The following RIC8B variants were observed in gnomAD, a reference collection of about 807,000 sequenced individuals.
The protein encoded by RIC8B is chaperone Ric-8B.
A neutral mutation model predicts 57.5 loss-of-function variants in RIC8B; 16 were observed. The ratio of observed to expected loss-of-function variants is 0.28; its 90% CI spans 0.19 to 0.42. The LOEUF is 0.42. Among genes scored for constraint, RIC8B ranks in the 10% least tolerant of loss-of-function variants. The probability of loss-of-function intolerance (pLI) is 1.00; values close to 1 mark genes in which losing one functional copy is unlikely to be tolerated. For missense variants in RIC8B, 481 were observed against 677.0 expected (o/e 0.71, Z 3.21); for synonymous variants, 216 against 250.8 (o/e 0.86, Z 1.31).
At chr12:106,869,965 G>A (rs1342504827) in intron 8 of RIC8B, among the ~76,000 whole-genome samples, 1 of 151,822 alleles carries the variant, frequency 6.6e-6, no homozygotes, top group African/African-American at 2.4e-5. Flanking sequence ...CAAAAAAACA[G>A]TATGTACTTG....
chr12:106,853,896 G>A (rs1055874381), intron 7 of RIC8B, among the ~76,000 whole-genome samples: 2 of 152,280 alleles, frequency 1.3e-5, no homozygotes, highest in Admixed American at 6.5e-5. Context: ...AAGATAAACA[G>A]TGTTTCTGCC....
In RIC8B at chr12:106,886,227, C is replaced by A; in HGVS notation, c.*212C>A. The A allele has an allele frequency of 2.2e-6, 1 of 460,168 alleles. No individual in the cohort carries two copies. The highest frequency in any genetic ancestry group is 3.8e-6 in the Non-Finnish European group (1 of 260,888). 28.5% of individuals were successfully genotyped at this position (460,168 alleles called of 1,614,324 possible). A position where few individuals can be genotyped will look rare whatever the true frequency, so the allele number is the denominator to read the frequency against. ...ACAGAGCTGCAGTTAGACGGGGTTA[C>A]GGGGGCTAAAAGCAGAAAAAAAATT... On this transcript the variant is annotated 3_prime_UTR_variant, in exon 10 of 10. Transcript: ENST00000392837.
rs1167977219 is a variant in RIC8B at position 106,887,205 on chromosome 12, T to TATATATAC, written c.*1202_*1209dup. ...GTATATACACACGTACATACATTCA[T>TATATATAC]ATATATACATATATACATAATGTGC... On this transcript the variant is annotated 3_prime_UTR_variant, in exon 10 of 10. Transcript: ENST00000392837. 6.6e-6 allele frequency: 1 copy of TATATATAC among 152,582 alleles called. No individual in the cohort carries two copies. The highest frequency in any genetic ancestry group is 1.5e-5 in the Non-Finnish European group (1 of 68,008). 9.5% of individuals were successfully genotyped at this position (152,582 alleles called of 1,614,324 possible).
chr12:106,779,763 C>G (rs2043667756), intron 1 of RIC8B, among the ~76,000 whole-genome samples: 1 of 149,082 alleles, frequency 6.7e-6, no homozygotes. Context: ...ACTGTTGGGT[C>G]CTAATCACCT....
intron 7 of RIC8B, among the ~76,000 whole-genome samples, chr12:106,855,243 T>C (rs1209606671): frequency 6.6e-6 from 1 of 152,202 alleles, no homozygotes; most frequent in Non-Finnish European, 1.5e-5. Context: ...CTCAGAGGAA[T>C]AGGTTGTCTC....
chr12:106,834,779 C>T (rs902484070), intron 4 of RIC8B, among the ~76,000 whole-genome samples: 3 of 151,766 alleles, frequency 2.0e-5, no homozygotes, highest in Admixed American at 1.3e-4. Context: ...GTCAAGAGAT[C>T]GAGACCATCC....
intron 2 of RIC8B, among the ~76,000 whole-genome samples, chr12:106,810,697 T>C (rs2045297775): frequency 1.3e-5 from 2 of 152,104 alleles, no homozygotes; most frequent in Admixed American, 6.6e-5. Flanking sequence ...GAAAGAAATA[T>C]AGCTAAAGAG....
rs752295245 is a variant in RIC8B, at chr12:106,860,253, A to G, written c.1307-15A>G. The G allele has an allele frequency of 1.8e-5, 28 of 1,558,064 alleles. No individual in the cohort carries two copies. The highest frequency in any genetic ancestry group is 4.1e-5 in the Admixed American group (2 of 49,350). On this transcript the variant is annotated splice_polypyrimidine_tract_variant and intron_variant, in intron 7 of 9. Coordinates refer to ENST00000392837, the MANE Select transcript of RIC8B (RefSeq NM_001330145.2). ...CCCAAGGATTCCTATCTAAAACCCT[A>G]TTCTGTTTTTGCAGTGGATAGTCTG...
intron 4 of RIC8B, among the ~76,000 whole-genome samples, chr12:106,837,649 T>TTG (rs1468588393): frequency 1.5e-4 from 23 of 148,814 alleles, no homozygotes; most frequent in African/African-American, 5.2e-4. Context: ...GTTTTTTTTT[T>TTG]TTTTTTTTTT....
chr12:106,834,227 T>C (rs1236466312), intron 4 of RIC8B, among the ~76,000 whole-genome samples: 1 of 152,238 alleles, frequency 6.6e-6, no homozygotes, highest in African/African-American at 2.4e-5. Context: ...TCTTGTCAGA[T>C]CTGTTTGGAT....
intron 2 of RIC8B, among the ~76,000 whole-genome samples, chr12:106,802,668 T>C (rs144497535): frequency 3.2e-4 from 49 of 152,056 alleles, no homozygotes; most frequent in African/African-American, 1.2e-3. Flanking sequence ...TTTCTTTTAA[T>C]GTTAAGAACA....
chr12:106,795,436 A>G (rs2044435659), intron 2 of RIC8B, among the ~76,000 whole-genome samples: 1 of 152,166 alleles, frequency 6.6e-6, no homozygotes. Context: ...AGGAAAAAGG[A>G]GCCAGCAGCG....
At chr12:106,877,742 C>T (rs1189655670) in intron 9 of RIC8B, among the ~76,000 whole-genome samples, 1 of 152,130 alleles carries the variant, frequency 6.6e-6, no homozygotes, top group South Asian at 2.1e-4. Flanking sequence ...TTGCTCAACC[C>T]GCAGCCCAGG....
intron 1 of RIC8B, among the ~76,000 whole-genome samples, chr12:106,782,509 A>G (rs1161973007): frequency 1.3e-5 from 2 of 152,162 alleles, no homozygotes; most frequent in African/African-American, 4.8e-5. Flanking sequence ...GTTCTACCAG[A>G]ATGCTGGTCT....
intron 4 of RIC8B, among the ~76,000 whole-genome samples, chr12:106,833,472 A>G (rs1456147856): frequency 6.6e-6 from 1 of 152,106 alleles, no homozygotes; most frequent in East Asian, 1.9e-4. Context: ...ATGATGACGC[A>G]TGCCTGTAAT....
At chr12:106,824,896 A>C (rs1195316860) in intron 3 of RIC8B, among the ~76,000 whole-genome samples, 1 of 152,110 alleles carries the variant, frequency 6.6e-6, no homozygotes, top group African/African-American at 2.4e-5. Flanking sequence ...GACAAGAGCA[A>C]AACTCCATCT....
intron 4 of RIC8B, among the ~76,000 whole-genome samples, chr12:106,836,774 A>G (rs1428385589): frequency 6.6e-6 from 1 of 152,216 alleles, no homozygotes; most frequent in East Asian, 1.9e-4. Flanking sequence ...AAACCCTGCA[A>G]TGAATGATTT....
chr12:106,796,796 C>T (rs1320030763), intron 2 of RIC8B, among the ~76,000 whole-genome samples: 1 of 152,184 alleles, frequency 6.6e-6, no homozygotes, highest in African/African-American at 2.4e-5. Context: ...GATCCTATGT[C>T]TGATAAAAGA....
chr12:106,819,269 C>T (rs142869523), intron 3 of RIC8B, among the ~76,000 whole-genome samples: 2 of 152,214 alleles, frequency 1.3e-5, no homozygotes, highest in African/African-American at 4.8e-5. Context: ...GCTCCAAGTT[C>T]CTCCCTCTCA....
Sources: allele counts gnomAD v4.1 joint callset (sites outside exome capture counted in the v4.1 genomes callset), GRCh38; gene constraint gnomAD v4.1.1; transcripts MANE v1.5; gene names NCBI Gene and HGNC (gene_info 2026-07-23, HGNC 2026-07-21).